SEMA5A: variants seen among roughly 807,000 people sequenced by gnomAD.
SEMA5A encodes the protein semaphorin 5A.
A neutral mutation model predicts 135.5 loss-of-function variants in SEMA5A; 55 were observed. The ratio of observed to expected loss-of-function variants is 0.41; its 90% confidence interval spans 0.33 to 0.51. The LOEUF (loss-of-function observed/expected upper bound fraction) is 0.51. SEMA5A is among the 20% of genes least tolerant of loss of function. The pLI, the probability that SEMA5A is intolerant of heterozygous loss-of-function variation, is 0.37. For missense variants in SEMA5A, 1,290 were observed against 1,419.9 expected (o/e 0.91, Z 1.47); for synonymous variants, 580 against 546.5 (o/e 1.06, Z -0.85).
intron 5 of SEMA5A, among the ~76,000 whole-genome samples, chr5:9,274,461 C>T (rs1216940927): frequency 6.6e-6 from 1 of 152,158 alleles, no homozygotes; most frequent in Admixed American, 6.5e-5. Flanking sequence ...GACTTGAACT[C>T]AGCTCTGGAC....
intron 1 of SEMA5A, among the ~76,000 whole-genome samples, chr5:9,475,185 G>T (rs530467617): frequency 2.6e-4 from 40 of 152,300 alleles, no homozygotes; most frequent in African/African-American, 9.1e-4. Context: ...GCCCGCCTTG[G>T]CCTCCCAAAG....
intron 1 of SEMA5A, among the ~76,000 whole-genome samples, chr5:9,453,378 A>T (rs1758716869): frequency 6.6e-6 from 1 of 152,156 alleles, no homozygotes; most frequent in South Asian, 2.1e-4. Flanking sequence ...TAAGTGCCAC[A>T]TCCTCTATTT....
intron 1 of SEMA5A, among the ~76,000 whole-genome samples, chr5:9,512,680 C>T (rs1216104518): frequency 6.6e-6 from 1 of 152,134 alleles, no homozygotes; most frequent in Admixed American, 6.6e-5. Context: ...GATCCCATGC[C>T]AGCAGAGGCT....
chr5:9,319,548 T>A (rs1752535130), intron 4 of SEMA5A, among the ~76,000 whole-genome samples: 1 of 152,102 alleles, frequency 6.6e-6, no homozygotes, highest in Non-Finnish European at 1.5e-5. Flanking sequence ...TGCTTCAGCC[T>A]CTAACTGAAA....
chr5:9,448,643 T>C (rs1292105314), intron 1 of SEMA5A, among the ~76,000 whole-genome samples: 2 of 152,258 alleles, frequency 1.3e-5, no homozygotes, highest in African/African-American at 2.4e-5. Context: ...GAAGTTTATT[T>C]ATGAAACTAA....
intron 4 of SEMA5A, among the ~76,000 whole-genome samples, chr5:9,336,702 C>T (rs540094591): frequency 6.6e-6 from 1 of 152,076 alleles, no homozygotes; most frequent in Non-Finnish European, 1.5e-5. Context: ...TACAAGGACA[C>T]CTCAAGATCC....
chr5:9,177,472 C>T (rs975287294), intron 11 of SEMA5A, among the ~76,000 whole-genome samples: 4 of 152,196 alleles, frequency 2.6e-5, no homozygotes, highest in African/African-American at 7.2e-5. Context: ...CTCATCTGAA[C>T]ATTTGGAGGG....
chr5:9,048,511 A>C (rs1736392369), intron 21 of SEMA5A, among the ~76,000 whole-genome samples: 1 of 152,144 alleles, frequency 6.6e-6, no homozygotes, highest in Admixed American at 6.5e-5. Flanking sequence ...GACCCTTAGC[A>C]TCTTCACTTT....
intron 3 of SEMA5A, among the ~76,000 whole-genome samples, chr5:9,356,698 CG>C (rs1754464554): frequency 6.6e-6 from 1 of 152,090 alleles, no homozygotes; most frequent in African/African-American, 2.4e-5. Flanking sequence ...TGTTTGCAAC[CG>C]GGGTTCAAAG....
intron 1 of SEMA5A, among the ~76,000 whole-genome samples, chr5:9,542,332 T>C (rs1197427857): frequency 6.6e-6 from 1 of 152,214 alleles, no homozygotes; most frequent in Non-Finnish European, 1.5e-5. Flanking sequence ...AACTTCTGCA[T>C]CTCAATTTTA....
intron 13 of SEMA5A, among the ~76,000 whole-genome samples, chr5:9,132,656 G>C (rs374567026): frequency 6.6e-6 from 1 of 151,580 alleles, no homozygotes; most frequent in African/African-American, 2.4e-5. Context: ...AGTTTGACTA[G>C]AACACTAACT....
At chr5:9,219,396 C>A (rs1746807959) in intron 8 of SEMA5A, among the ~76,000 whole-genome samples, 1 of 152,086 alleles carries the variant, frequency 6.6e-6, no homozygotes, top group Non-Finnish European at 1.5e-5. Flanking sequence ...AAACATGGAG[C>A]CTGCTCTGGG....
rs1216727966 is a variant in SEMA5A, at chr5:9,035,493, A to T, written c.*7404T>A. The stretch of plus-strand genomic sequence containing the variant: ...AGTTGATCCAATGCAGCAGGTAATG[A>T]GTTTCCAGTTGCCACAATTGGTGTC... On this transcript the variant is annotated 3_prime_UTR_variant, in exon 23 of 23. Coordinates refer to ENST00000382496, the MANE Select transcript of SEMA5A (RefSeq NM_003966.3). The T allele has an allele frequency of 1.3e-5, 2 of 152,088 alleles. No homozygotes were observed. Among genetic ancestry groups the T allele is most frequent in the African/African-American group, 4.8e-5 (2 of 41,406 alleles). 9.4% of individuals were successfully genotyped at this position (152,088 alleles called of 1,614,324 possible). A position where few individuals can be genotyped will look rare whatever the true frequency, so the allele number is the denominator to read the frequency against.
In SEMA5A at chr5:9,087,835, A is replaced by G. The variant is rs551370078; in HGVS notation, c.2073+20305T>C. ...AGAAAATGCTCCAGTTGTTATACAC[A>G]GAATTCTGTACCATGGATAAATGTT... On this transcript the variant is annotated intron_variant, in intron 16 of 22. Transcript: ENST00000382496. 1.1e-4 allele frequency among the ~76,000 whole-genome samples: 16 copies of G among 152,336 alleles called. No homozygotes were observed. In the South Asian group the frequency reaches 3.3e-3, roughly 32 times the overall value.
intron 18 of SEMA5A, among the ~76,000 whole-genome samples, chr5:9,055,526 G>T (rs1284760314): frequency 6.6e-6 from 1 of 152,138 alleles, no homozygotes; most frequent in African/African-American, 2.4e-5. Context: ...TAATATGCCT[G>T]TCATGATGTA....
intron 1 of SEMA5A, among the ~76,000 whole-genome samples, chr5:9,457,621 A>C (rs268541): frequency 7.2e-4 from 110 of 152,256 alleles, no homozygotes; most frequent in African/African-American, 2.6e-3. Flanking sequence ...TATAAAAAAT[A>C]AGGTATGTTA....
At chr5:9,493,328 C>A (rs1439094631) in intron 1 of SEMA5A, among the ~76,000 whole-genome samples, 1 of 150,844 alleles carries the variant, frequency 6.6e-6, no homozygotes, top group Non-Finnish European at 1.5e-5. Flanking sequence ...TATATATAAG[C>A]ATACTGTCAT....
intron 18 of SEMA5A, among the ~76,000 whole-genome samples, chr5:9,058,089 G>A (rs1736989702): frequency 6.6e-6 from 1 of 152,116 alleles, no homozygotes; most frequent in Non-Finnish European, 1.5e-5. Context: ...GCATGTCAGG[G>A]GCCTGAGTGA....
chr5:9,392,914 G>T (rs1330390740), intron 2 of SEMA5A, among the ~76,000 whole-genome samples: 1 of 152,214 alleles, frequency 6.6e-6, no homozygotes, highest in Admixed American at 6.5e-5. Context: ...AGTTTCAGGA[G>T]CACTGCTATG....
Sources: allele counts gnomAD v4.1 joint callset (sites outside exome capture counted in the v4.1 genomes callset), GRCh38; gene constraint gnomAD v4.1.1; transcripts MANE v1.5; gene names NCBI Gene and HGNC (gene_info 2026-07-23, HGNC 2026-07-21).